Variants in LHFPL3 observed in about 807,000 individuals in gnomAD.
The protein encoded by LHFPL3 is LHFPL tetraspan subfamily member 3, also known as LHFPL tetraspan subfamily member 3 protein.
LHFPL3 carries 5 observed loss-of-function variants against 19.3 expected under a neutral mutation model. The observed-to-expected ratio is 0.26, with a 90% CI of 0.14 to 0.54. The LOEUF (loss-of-function observed/expected upper bound fraction) is 0.54, where lower values mean the gene tolerates loss of function less well. Among genes scored for constraint, LHFPL3 ranks in the 20% least tolerant of loss-of-function variants. The pLI, the probability that LHFPL3 is intolerant of heterozygous loss-of-function variation, is 0.94. For synonymous variants in LHFPL3, 133 were observed against 126.2 expected (o/e 1.05, Z -0.36); for missense variants, 249 against 307.4 (o/e 0.81, Z 1.42).
intron 1 of LHFPL3, among the ~76,000 whole-genome samples, chr7:104,648,379 T>C (rs796163532): frequency 8.5e-5 from 13 of 152,334 alleles, no homozygotes; most frequent in African/African-American, 3.1e-4. Flanking sequence ...TCTCAGATGA[T>C]GTATACCATT....
intron 1 of LHFPL3, among the ~76,000 whole-genome samples, chr7:104,355,237 T>A (rs1790251373): frequency 6.6e-6 from 1 of 152,098 alleles, no homozygotes. Flanking sequence ...CCCCACAACA[T>A]CTCCTTTTCT....
intron 2 of LHFPL3, among the ~76,000 whole-genome samples, chr7:104,898,227 G>C (rs915344269): frequency 6.6e-6 from 1 of 151,640 alleles, no homozygotes; most frequent in African/African-American, 2.4e-5. Context: ...GGCTGGTCTC[G>C]AACTCCTGAC....
chr7:104,887,638 G>C (rs1425887197), intron 2 of LHFPL3, among the ~76,000 whole-genome samples: 2 of 152,232 alleles, frequency 1.3e-5, no homozygotes, highest in Non-Finnish European at 2.9e-5. Context: ...GAGGCTGGCA[G>C]TTAAACACTG....
chr7:104,498,128 A>G (rs1204439248), intron 1 of LHFPL3, among the ~76,000 whole-genome samples: 1 of 152,210 alleles, frequency 6.6e-6, no homozygotes, highest in Non-Finnish European at 1.5e-5. Flanking sequence ...ATAAGTACAA[A>G]ATAATAATGC....
intron 2 of LHFPL3, among the ~76,000 whole-genome samples, chr7:104,801,922 G>T (rs1222396362): frequency 1.3e-5 from 2 of 152,088 alleles, no homozygotes; most frequent in Non-Finnish European, 2.9e-5. Context: ...ATTGGGTTAA[G>T]AGCTATCAAA....
At chr7:104,425,279 G>A (rs1295328681) in intron 1 of LHFPL3, among the ~76,000 whole-genome samples, 1 of 152,090 alleles carries the variant, frequency 6.6e-6, no homozygotes, top group African/African-American at 2.4e-5. Flanking sequence ...TAATGACAAA[G>A]GAGGTTTATA....
Position 104,845,272 on chromosome 7 carries a change from C to T in LHFPL3, c.683-60915C>T, listed in dbSNP as rs145726377. The T allele has an allele frequency of 1.0e-3, 716 of 714,842 alleles. 7 individuals carry two copies. The African/African-American group carries it at 0.011, about 11-fold the overall frequency. 44.3% of individuals were successfully genotyped at this position (714,842 alleles called of 1,614,324 possible). A position where few individuals can be genotyped will look rare whatever the true frequency, so the allele number is the denominator to read the frequency against. On this transcript the variant is annotated intron_variant, in intron 2 of 2. Coordinates refer to ENST00000424859, the MANE Select transcript of LHFPL3 (RefSeq NM_199000.3). ...GAATCACCAAGTATGTCTCTGCACA[C>T]CGTCAATGGAATAGCCAGGAATGAC...
intron 1 of LHFPL3, among the ~76,000 whole-genome samples, chr7:104,380,884 C>T (rs1443251001): frequency 7.2e-5 from 11 of 151,822 alleles, no homozygotes; most frequent in African/African-American, 1.9e-4. Flanking sequence ...GTAGAATTTA[C>T]GGTATAAAAG....
chr7:104,684,527 ATG>A (rs1792770437), intron 1 of LHFPL3, among the ~76,000 whole-genome samples: 1 of 152,258 alleles, frequency 6.6e-6, no homozygotes, highest in African/African-American at 2.4e-5. Context: ...TATAATTTTC[ATG>A]TGTTACTATT....
chr7:104,830,483 T>A (rs1790929208), intron 2 of LHFPL3, among the ~76,000 whole-genome samples: 1 of 151,924 alleles, frequency 6.6e-6, no homozygotes, highest in South Asian at 2.1e-4. Context: ...ATGTAAGTCT[T>A]TAATCCATCT....
At chr7:104,871,137 GA>G (rs764973358) in intron 2 of LHFPL3, among the ~76,000 whole-genome samples, 195 of 152,302 alleles carry the variant, frequency 1.3e-3, no homozygotes, top group Non-Finnish European at 2.1e-3. Flanking sequence ...ATCGTTGTGT[GA>G]ACATCACAGA....
chr7:104,521,695 A>G (rs1054843069), intron 1 of LHFPL3, among the ~76,000 whole-genome samples: 5 of 152,064 alleles, frequency 3.3e-5, no homozygotes, highest in African/African-American at 9.7e-5. Flanking sequence ...TACAAGAAAA[A>G]AACAAACAAC....
chr7:104,469,706 C>G (rs1418102631), intron 1 of LHFPL3, among the ~76,000 whole-genome samples: 1 of 152,066 alleles, frequency 6.6e-6, no homozygotes, highest in East Asian at 1.9e-4. Context: ...AATTCTGTTT[C>G]CGAATAACAA....
intron 2 of LHFPL3, among the ~76,000 whole-genome samples, chr7:104,769,597 G>A (rs4727611): frequency 0.044 from 6,568 of 150,128 alleles, 235 homozygotes; most frequent in African/African-American, 0.099. Flanking sequence ...TGCTAATGCT[G>A]TCCCTCTTTT....
intron 1 of LHFPL3, among the ~76,000 whole-genome samples, chr7:104,425,396 T>TAA (rs1791825951): frequency 6.6e-6 from 1 of 152,232 alleles, no homozygotes; most frequent in South Asian, 2.1e-4. Flanking sequence ...AGTTAGATTT[T>TAA]TTTTTTATTT....
chr7:104,689,661 C>T (rs1002041463), intron 1 of LHFPL3, among the ~76,000 whole-genome samples: 1 of 152,180 alleles, frequency 6.6e-6, no homozygotes, highest in Non-Finnish European at 1.5e-5. Flanking sequence ...AGCAGAGTAA[C>T]TGTGCATTGG....
At chr7:104,423,992 T>C (rs1164042698) in intron 1 of LHFPL3, among the ~76,000 whole-genome samples, 1 of 152,182 alleles carries the variant, frequency 6.6e-6, no homozygotes, top group Non-Finnish European at 1.5e-5. Flanking sequence ...GGGCTTAGCT[T>C]TGTGTTTTAA....
intron 1 of LHFPL3, among the ~76,000 whole-genome samples, chr7:104,502,158 C>T (rs1793608192): frequency 6.6e-6 from 1 of 152,126 alleles, no homozygotes; most frequent in Non-Finnish European, 1.5e-5. Context: ...ATTTTTTTCA[C>T]ATCCAAAAGA....
intron 1 of LHFPL3, among the ~76,000 whole-genome samples, chr7:104,350,014 T>C (rs574382560): frequency 1.4e-4 from 22 of 152,314 alleles, no homozygotes; most frequent in African/African-American, 5.3e-4. Context: ...TATTATCTCA[T>C]TTAATCCTTA....
Sources: gnomAD v4.1 joint callset for allele counts (sites outside exome capture counted in the v4.1 genomes callset) on GRCh38, gnomAD v4.1.1 for gene constraint, MANE v1.5 for transcripts, NCBI Gene and HGNC (gene_info 2026-07-23, HGNC 2026-07-21) for gene names.